RNF212B: variants seen among roughly 807,000 people sequenced by gnomAD.
RNF212B encodes the protein ring finger protein 212B.
RNF212B carries 52 observed loss-of-function variants against 55.5 expected under a neutral mutation model. That is an observed-to-expected ratio of 0.94 (90% confidence interval 0.75 to 1.18). RNF212B has a LOEUF of 1.18. RNF212B is among the 50% of genes most tolerant of loss of function. The pLI is 0.00. For missense variants in RNF212B, 289 were observed against 350.4 expected, an observed-to-expected ratio of 0.82 and a Z score of 1.40; for synonymous variants, 99 against 121.4, an observed-to-expected ratio of 0.82 and a Z score of 1.21.
chr14:23,250,626 C>T (rs1387621156), intron 4 of RNF212B, among the ~76,000 whole-genome samples: 1 of 152,046 alleles, frequency 6.6e-6, no homozygotes, highest in East Asian at 1.9e-4. Context: ...CTGTGATAAG[C>T]TACTGTAAAC....
In RNF212B at chr14:23,264,193, T is replaced by C; in HGVS notation, c.544T>C (p.Ser182Pro). 6.5e-7 allele frequency: 1 copy of C among 1,550,238 alleles called. No individual in the cohort carries two copies. Among genetic ancestry groups the C allele is most frequent in the Non-Finnish European group, 8.7e-7 (1 of 1,146,562 alleles). Reference sequence around the variant, plus strand: ...ATACAGTCGGTCCTCCTCAGCGGAATCTATTCCTTATAGAGAGGCTGGCTT... The same window carrying C: ...ATACAGTCGGTCCTCCTCAGCGGAACCTATTCCTTATAGAGAGGCTGGCTT... Reference protein sequence around the residue: ...QVVSRSSSAESIPYREAGFGS... With the variant: ...QVVSRSSSAEPIPYREAGFGS... The change falls in exon 10 of 15, where the codon TCT becomes CCT. Residue 182 changes from serine to proline, a missense_variant. Ser to Pro is a moderately conservative substitution (Grantham distance 74, BLOSUM62 -1). Transcript: ENST00000430154.
chr14:23,258,699 T>C (rs944574342), intron 5 of RNF212B, 35 bp downstream of exon 5: 30 of 911,952 alleles, frequency 3.3e-5, no homozygotes, highest in Non-Finnish European at 4.4e-5. Context: ...AGAGCTTTTT[T>C]TTTTTTTTTT....
At position 23,198,541 on chromosome 14, in the gene RNF212B, T is replaced by TG. The variant is rs558268069; in HGVS notation, c.-2+5142dup. Among the ~76,000 whole-genome samples the TG allele has an allele frequency of 4.7e-3, 708 of 151,802 alleles. 8 individuals carry two copies. Among genetic ancestry groups the TG allele is most frequent in the African/African-American group, 0.017 (683 of 41,352 alleles). On this transcript the variant is annotated intron_variant, in intron 2 of 15. Coordinates refer to the RNF212B transcript ENST00000399910. ...AATAAAAAAAATCAGCTGGGCGTGG[T>TG]GGCGGGTACCTGTAATCCCAGCCAC... is the stretch of plus-strand genomic sequence containing the variant.
chr14:23,209,529 G>A (rs550578513), intron 2 of RNF212B, among the ~76,000 whole-genome samples: 1 of 152,228 alleles, frequency 6.6e-6, no homozygotes, highest in Non-Finnish European at 1.5e-5. Flanking sequence ...CCTCCATACT[G>A]ATATAAACAA....
chr14:23,226,317 T>TTAAA (rs1251726091), intron 2 of RNF212B, among the ~76,000 whole-genome samples: 35 of 101,760 alleles, frequency 3.4e-4, no homozygotes, highest in East Asian at 8.2e-4. Context: ...AAAAAAAAAA[T>TTAAA]TAAATAAATA....
intron 2 of RNF212B, among the ~76,000 whole-genome samples, chr14:23,194,311 G>T (rs1191764810): frequency 6.6e-6 from 1 of 152,044 alleles, no homozygotes; most frequent in African/African-American, 2.4e-5. Context: ...CACTCAAGAA[G>T]ATATGACAAT....
chr14:23,186,959 A>C (rs1045484599), intron 1 of RNF212B, among the ~76,000 whole-genome samples: 1 of 152,158 alleles, frequency 6.6e-6, no homozygotes, highest in Non-Finnish European at 1.5e-5. Flanking sequence ...TGGTGTCTTA[A>C]CTGTGCCTTT....
intron 2 of RNF212B, among the ~76,000 whole-genome samples, chr14:23,231,737 C>T (rs1356670723): frequency 6.6e-6 from 1 of 151,838 alleles, no homozygotes; most frequent in Non-Finnish European, 1.5e-5. Context: ...TGCAACCTCC[C>T]TGCCTGATTC....
At chr14:23,243,911 C>G (rs178777) in intron 3 of RNF212B, among the ~76,000 whole-genome samples, 51,332 of 151,530 alleles carry the variant, frequency 0.34, 9,982 homozygotes, top group African/African-American at 0.55. Context: ...ACCCTCGTCT[C>G]TACTAAAAAT....
At chr14:23,252,394 T>C (rs1884484171) in intron 4 of RNF212B, among the ~76,000 whole-genome samples, 2 of 152,242 alleles carry the variant, frequency 1.3e-5, no homozygotes, top group Admixed American at 6.5e-5. Context: ...AAGTTTATTA[T>C]GATTTCATCA....
chr14:23,218,307 G>T (rs1445442116), intron 2 of RNF212B, among the ~76,000 whole-genome samples: 1 of 151,986 alleles, frequency 6.6e-6, no homozygotes, highest in Non-Finnish European at 1.5e-5. Flanking sequence ...GGTGGAGGTT[G>T]CAGTGAGCCA....
chr14:23,210,538 G>A (rs1880386162), intron 2 of RNF212B, among the ~76,000 whole-genome samples: 1 of 152,150 alleles, frequency 6.6e-6, no homozygotes, highest in Admixed American at 6.6e-5. Context: ...AGAACTTTGG[G>A]AGGCTGAGGC....
intron 2 of RNF212B, among the ~76,000 whole-genome samples, chr14:23,206,531 T>C (rs562914629): frequency 6.6e-6 from 1 of 152,240 alleles, no homozygotes. Context: ...GTACATTTTA[T>C]ACATTTATAA....
At chr14:23,188,917 C>T (rs1035923629) in intron 1 of RNF212B, among the ~76,000 whole-genome samples, 13 of 152,282 alleles carry the variant, frequency 8.5e-5, no homozygotes, top group African/African-American at 3.1e-4. Context: ...TGTTGATGTA[C>T]ATTAATGCAT....
At chr14:23,229,502 C>G (rs891767002) in intron 2 of RNF212B, among the ~76,000 whole-genome samples, 1 of 151,872 alleles carries the variant, frequency 6.6e-6, no homozygotes, top group African/African-American at 2.4e-5. Flanking sequence ...TGTACATTCC[C>G]ATCAGCAATG....
chr14:23,190,796 C>G (rs1488427054), intron 1 of RNF212B, among the ~76,000 whole-genome samples: 2 of 152,228 alleles, frequency 1.3e-5, no homozygotes, highest in African/African-American at 4.8e-5. Context: ...CCTGTCACAG[C>G]TAACTAGAAT....
chr14:23,194,596 G>A (rs990632626), intron 2 of RNF212B, among the ~76,000 whole-genome samples: 3 of 151,884 alleles, frequency 2.0e-5, no homozygotes, highest in Non-Finnish European at 2.9e-5. Context: ...TTATCTGGGC[G>A]TGGTAGCACC....
Position 23,230,393 on chromosome 14 carries a change from G to A in RNF212B, c.-1-9952G>A, listed in dbSNP as rs186991559. On this transcript the variant is annotated intron_variant, in intron 2 of 15. Transcript: ENST00000399910. Reference sequence around the variant, plus strand: ...TTGCCGGCCGGGCGCGGTGGCTCACGCCTGTAATCCCAGCACTTTGGGAGG... The same window carrying A: ...TTGCCGGCCGGGCGCGGTGGCTCACACCTGTAATCCCAGCACTTTGGGAGG... 2.6e-5 allele frequency among the ~76,000 whole-genome samples: 4 copies of A among 152,012 alleles called. No homozygotes were observed. The East Asian group carries it at 5.8e-4, about 22-fold the overall frequency.
chr14:23,249,590 T>A (rs190977743), intron 4 of RNF212B, among the ~76,000 whole-genome samples: 3 of 152,302 alleles, frequency 2.0e-5, no homozygotes, highest in African/African-American at 7.2e-5. Flanking sequence ...TAGTTTGATA[T>A]TATTTTACCT....
Sources: gnomAD v4.1 joint callset for allele counts (sites outside exome capture counted in the v4.1 genomes callset) on GRCh38, gnomAD v4.1.1 for gene constraint, MANE v1.5 for transcripts, NCBI Gene and HGNC (gene_info 2026-07-23, HGNC 2026-07-21) for gene names.